GNAL: variants seen among roughly 807,000 people sequenced by gnomAD.
GNAL encodes the protein guanine nucleotide-binding protein G(olf) subunit alpha.
In GNAL, 18 loss-of-function variants were observed where a neutral mutation model predicts 55.1. The ratio of observed to expected loss-of-function variants is 0.33; its 90% CI spans 0.23 to 0.48. GNAL has a LOEUF of 0.48. Among genes scored for constraint, GNAL ranks in the 20% least tolerant of loss-of-function variants. The pLI, the probability that GNAL is intolerant of heterozygous loss-of-function variation, is 0.99. For missense variants in GNAL, 412 were observed against 614.1 expected (o/e 0.67, Z 3.48); for synonymous variants, 253 against 237.0 (o/e 1.07, Z -0.62).
chr18:11,734,088 G>A (rs1023408211), intron 1 of GNAL, among the ~76,000 whole-genome samples: 2 of 151,834 alleles, frequency 1.3e-5, no homozygotes, highest in African/African-American at 4.8e-5. Flanking sequence ...CCAGAGGCTC[G>A]GTGGTTTCTC....
At chr18:11,817,881 G>A (rs1218785296) in intron 4 of GNAL, among the ~76,000 whole-genome samples, 8 of 151,420 alleles carry the variant, frequency 5.3e-5, no homozygotes, top group Non-Finnish European at 1.2e-4. Flanking sequence ...GAGCCACCGC[G>A]CACAACCCAT....
intron 4 of GNAL, among the ~76,000 whole-genome samples, chr18:11,792,239 A>T (rs72867020): frequency 0.13 from 19,016 of 151,694 alleles, 1,412 homozygotes; most frequent in East Asian, 0.33. Flanking sequence ...GCTGGAGTGC[A>T]GTGGCGTGCA....
intron 4 of GNAL, among the ~76,000 whole-genome samples, chr18:11,764,192 C>G (rs2033334000): frequency 6.6e-6 from 1 of 152,122 alleles, no homozygotes; most frequent in African/African-American, 2.4e-5. Context: ...GCAACCTCCT[C>G]CCTTCAAGTT....
chr18:11,835,835 G>A (rs1456695337), intron 5 of GNAL, among the ~76,000 whole-genome samples: 1 of 152,208 alleles, frequency 6.6e-6, no homozygotes, highest in African/African-American at 2.4e-5. Context: ...TAAAGGTACA[G>A]TTTCAGAATT....
intron 5 of GNAL, chr18:11,833,489 C>T (rs1598415296): frequency 6.6e-6 from 1 of 152,336 alleles, no homozygotes; most frequent in East Asian, 1.9e-4. Context: ...TTACATGTTT[C>T]TTTTATTCTC....
intron 5 of GNAL, chr18:11,851,997 C>G: frequency 1.9e-6 from 3 of 1,613,602 alleles, no homozygotes; most frequent in Non-Finnish European, 2.5e-6. Flanking sequence ...AGGCGGGCCT[C>G]GACCTCAACA....
In GNAL at chr18:11,773,309, G is replaced by A. The variant is rs190875664; in HGVS notation, c.624+19364G>A. ...AGAAGTTAGAGCAGTCTGTTTAAAA[G>A]GCTTTGTGTAAATCACCCTGAAAGA... On this transcript the variant is annotated intron_variant, in intron 4 of 11. Coordinates refer to ENST00000334049, the MANE Select transcript of GNAL (RefSeq NM_182978.4). Among the ~76,000 whole-genome samples, 3 of 152,306 alleles carry A rather than the reference G, an allele frequency of 2.0e-5. No individual in the cohort carries two copies. In the East Asian group the frequency reaches 5.8e-4, roughly 29 times the overall value.
At chr18:11,797,149 C>G (rs2034412250) in intron 4 of GNAL, among the ~76,000 whole-genome samples, 1 of 152,158 alleles carries the variant, frequency 6.6e-6, no homozygotes, top group Non-Finnish European at 1.5e-5. Context: ...CCAGGCTGGT[C>G]TCAAACTCCT....
At chr18:11,807,721 C>T (rs1360306173) in intron 4 of GNAL, among the ~76,000 whole-genome samples, 3 of 152,100 alleles carry the variant, frequency 2.0e-5, no homozygotes, top group Admixed American at 2.0e-4. Context: ...GTGTGCATGC[C>T]ACAAAGTGGA....
At chr18:11,797,467 C>CAT (rs2034420147) in intron 4 of GNAL, among the ~76,000 whole-genome samples, 1 of 152,122 alleles carries the variant, frequency 6.6e-6, no homozygotes, top group African/African-American at 2.4e-5. Flanking sequence ...GTCCACCAGG[C>CAT]GTGATGGCTC....
intron 4 of GNAL, among the ~76,000 whole-genome samples, chr18:11,755,765 A>C (rs1482779446): frequency 6.6e-6 from 1 of 152,136 alleles, no homozygotes; most frequent in African/African-American, 2.4e-5. Context: ...TGGAGAGGGC[A>C]AGGGGTTGAC....
intron 7 of GNAL, among the ~76,000 whole-genome samples, chr18:11,866,267 C>T (rs1202996981): frequency 6.7e-6 from 1 of 150,272 alleles, no homozygotes; most frequent in Non-Finnish European, 1.5e-5. Flanking sequence ...TCTCAGCGTG[C>T]CCCACGTGTG....
chr18:11,778,585 C>T (rs1370665380), intron 4 of GNAL, among the ~76,000 whole-genome samples: 1 of 152,112 alleles, frequency 6.6e-6, no homozygotes, highest in Non-Finnish European at 1.5e-5. Flanking sequence ...TTAGTTGCAT[C>T]CTCTTGTATA....
At chr18:11,871,102 A>C (rs1456061339) in intron 9 of GNAL, among the ~76,000 whole-genome samples, 1 of 152,050 alleles carries the variant, frequency 6.6e-6, no homozygotes, top group Non-Finnish European at 1.5e-5. Flanking sequence ...TTCTGTAGTA[A>C]TTGTTTCTGG....
intron 1 of GNAL, among the ~76,000 whole-genome samples, chr18:11,698,449 C>A (rs2031474821): frequency 6.7e-6 from 1 of 149,414 alleles, no homozygotes; most frequent in South Asian, 2.1e-4. Flanking sequence ...CAAGATTGCA[C>A]CACTACACTC....
Position 11,881,325 on chromosome 18 carries a change from G to T in GNAL, c.*190G>T. On this transcript the variant is annotated 3_prime_UTR_variant, in exon 12 of 12. Transcript: ENST00000334049. This position sits in a 1 kb window ranked among gnomAD's most constrained non-coding sequence, Gnocchi z 4.8. ...TGTAGCTTCTGTTGTCATTGAATACGGCCTCCCGCAGCATCCCACCCCCAA... is the reference window on the plus strand; with the variant it reads ...TGTAGCTTCTGTTGTCATTGAATACTGCCTCCCGCAGCATCCCACCCCCAA... 1 of 505,618 alleles carries T rather than the reference G, an allele frequency of 2.0e-6. No homozygotes were observed. Among genetic ancestry groups the T allele is most frequent in the Non-Finnish European group, 3.5e-6 (1 of 285,416 alleles). The allele number at this position is 505,618 out of a possible 1,614,324, so 31.3% of individuals were successfully genotyped here. A position where few individuals can be genotyped will look rare whatever the true frequency, so the allele number is the denominator to read the frequency against.
intron 1 of GNAL, among the ~76,000 whole-genome samples, chr18:11,710,689 T>C (rs1456322677): frequency 6.6e-6 from 1 of 152,094 alleles, no homozygotes; most frequent in African/African-American, 2.4e-5. Context: ...GGTTGGCACT[T>C]TTTTCTTTTA....
At chr18:11,822,415 G>T (rs993228794) in intron 4 of GNAL, among the ~76,000 whole-genome samples, 12 of 152,176 alleles carry the variant, frequency 7.9e-5, no homozygotes, top group Non-Finnish European at 1.3e-4. Flanking sequence ...GACCAGCTTG[G>T]GCAACATGGT....
In GNAL at chr18:11,689,743, C is replaced by T; in HGVS notation, c.180C>T (p.Ser60=). 6 of 1,506,088 alleles carry T rather than the reference C, an allele frequency of 4.0e-6. No individual in the cohort carries two copies. Among genetic ancestry groups the T allele is most frequent in the Non-Finnish European group, 5.3e-6 (6 of 1,131,184 alleles). The allele number at this position is 1,506,088 out of a possible 1,614,324, so 93.3% of individuals were successfully genotyped here. Reference sequence around the variant, plus strand: ...TGCTCCCTCGGGGCGGCGAAGGGAGCCCGGCATGCGCTCGGCCCAAAGCAG... The same window carrying T: ...TGCTCCCTCGGGGCGGCGAAGGGAGTCCGGCATGCGCTCGGCCCAAAGCAG... ...RTLLPRGGEG[S]PACARPKADK... Residue 60 remains serine (S), a synonymous_variant, in exon 1 of 12, where the codon AGC becomes AGT. Coordinates refer to ENST00000334049, the MANE Select transcript of GNAL (RefSeq NM_182978.4).
Sources: allele counts gnomAD v4.1 joint callset (sites outside exome capture counted in the v4.1 genomes callset), GRCh38; gene constraint gnomAD v4.1.1; non-coding constraint Gnocchi (gnomAD v3.1); transcripts MANE v1.5; gene names NCBI Gene and HGNC (gene_info 2026-07-23, HGNC 2026-07-21).